GIN1: variants seen among roughly 807,000 people sequenced by gnomAD.
GIN1 encodes the protein gypsy retrotransposon integrase-like protein 1.
In GIN1, 41 loss-of-function variants were observed where a neutral mutation model predicts 51.4. That is an observed-to-expected ratio of 0.80 (90% CI 0.62 to 1.04). GIN1 has a LOEUF of 1.04. Among genes scored for constraint, GIN1 ranks in the 50% least tolerant of loss-of-function variants. The probability of loss-of-function intolerance (pLI) is 0.00; values close to 1 mark genes in which losing one functional copy is unlikely to be tolerated. For synonymous variants in GIN1, 222 were observed against 206.5 expected, an observed-to-expected ratio of 1.07 and a Z score of -0.64; for missense variants, 610 against 612.4, an observed-to-expected ratio of 1.00 and a Z score of 0.04.
rs186049478 is a variant in GIN1 at position 103,095,582 on chromosome 5, A to T, written c.1294+959T>A. On this transcript the variant is annotated intron_variant, in intron 7 of 7. Transcript: ENST00000399004. ...AGTATGTTTGTTTTTGGCATTAATG[A>T]TCACAGTTGCTGTTTTTCATGCCAA... 7.2e-5 allele frequency among the ~76,000 whole-genome samples: 11 copies of T among 152,346 alleles called. No homozygotes were observed. The East Asian group carries it at 2.1e-3, about 29-fold the overall frequency.
intron 4 of GIN1, among the ~76,000 whole-genome samples, chr5:103,098,291 TG>T (rs1787466058): frequency 6.6e-6 from 1 of 152,150 alleles, no homozygotes; most frequent in Non-Finnish European, 1.5e-5. Flanking sequence ...TACTACACAC[TG>T]GTCCCATCAC....
intron 1 of GIN1, among the ~76,000 whole-genome samples, chr5:103,114,130 C>CT (rs1787962072): frequency 6.6e-6 from 1 of 152,140 alleles, no homozygotes; most frequent in Non-Finnish European, 1.5e-5. Flanking sequence ...AAAACTCTGG[C>CT]TAGGTGTAAT....
intron 1 of GIN1, among the ~76,000 whole-genome samples, chr5:103,114,830 A>G (rs1212852751): frequency 6.6e-6 from 1 of 152,218 alleles, no homozygotes; most frequent in Non-Finnish European, 1.5e-5. Context: ...ACAGGAAAAA[A>G]GCCAGAAGAG....
intron 1 of GIN1, among the ~76,000 whole-genome samples, chr5:103,112,371 T>C (rs955693739): frequency 7.2e-5 from 11 of 152,216 alleles, no homozygotes; most frequent in African/African-American, 2.7e-4. Flanking sequence ...GAAACTTTAA[T>C]TTAGACTATC....
At chr5:103,107,356 G>A (rs1467036685) in intron 2 of GIN1, among the ~76,000 whole-genome samples, 1 of 152,034 alleles carries the variant, frequency 6.6e-6, no homozygotes, top group Non-Finnish European at 1.5e-5. Context: ...CAAGCAAACA[G>A]CTCTCTCAGC....
chr5:103,104,873 C>A, intron 3 of GIN1, 27 bp from the exon 4 acceptor site: 1 of 1,404,884 alleles, frequency 7.1e-7, no homozygotes, highest in South Asian at 1.3e-5. Context: ...ATAAAGAAAA[C>A]ACATACAAAT....
At position 103,089,986 on chromosome 5, in the gene GIN1, AT is replaced by A. The variant is rs367668238; in HGVS notation, c.1295-1815del. ...CCATAATTCTGAAAGACAAAAAAAA[AT>A]AAAATAAAATAAAAATCATGCAGCC... is the stretch of plus-strand genomic sequence containing the variant. On this transcript the variant is annotated intron_variant, in intron 7 of 7. Coordinates refer to ENST00000399004, the MANE Select transcript of GIN1 (RefSeq NM_017676.2). Among the ~76,000 whole-genome samples, 1,283 of 152,268 alleles carry A rather than the reference AT, an allele frequency of 8.4e-3. 10 individuals carry two copies. Among genetic ancestry groups the A allele is most frequent in the South Asian group, 0.018 (89 of 4,826 alleles).
chr5:103,106,985 T>C lies in GIN1; in HGVS notation c.140-76A>G, dbSNP rs77514819. 6.5e-4 allele frequency: 474 copies of C among 726,938 alleles called. 3 individuals carry two copies. In the East Asian group the frequency reaches 0.014, roughly 21 times the overall value. 45.0% of individuals were successfully genotyped at this position (726,938 alleles called of 1,614,324 possible). Reference sequence around the variant, plus strand: ...TAGTTTTAAGAGAATCATAGCCTTCTCTTTAAACCATGAAGGTTTTTGTTT... The same window carrying C: ...TAGTTTTAAGAGAATCATAGCCTTCCCTTTAAACCATGAAGGTTTTTGTTT... On this transcript the variant is annotated intron_variant, in intron 2 of 7. Coordinates refer to ENST00000399004, the MANE Select transcript of GIN1 (RefSeq NM_017676.2).
intron 7 of GIN1, among the ~76,000 whole-genome samples, chr5:103,090,924 C>T (rs1787220715): frequency 6.6e-6 from 1 of 151,958 alleles, no homozygotes; most frequent in Admixed American, 6.6e-5. Context: ...CACACACACA[C>T]ACTCTTTTTC....
chr5:103,112,231 C>G (rs559329197), intron 1 of GIN1, among the ~76,000 whole-genome samples: 2 of 152,246 alleles, frequency 1.3e-5, no homozygotes, highest in Non-Finnish European at 2.9e-5. Context: ...TAAAAACCAT[C>G]TATTTCCTAC....
At chr5:103,108,744 T>A in intron 1 of GIN1, 30 bp from the exon 2 acceptor site, 1 of 1,466,308 alleles carries the variant, frequency 6.8e-7, no homozygotes, top group South Asian at 1.2e-5. Context: ...AAAGATAACT[T>A]AAATTTTAAG....
At chr5:103,089,725 T>C (rs1787183610) in intron 7 of GIN1, among the ~76,000 whole-genome samples, 1 of 152,192 alleles carries the variant, frequency 6.6e-6, no homozygotes, top group South Asian at 2.1e-4. Flanking sequence ...CTATTTAGAT[T>C]AGAGACCAAT....
At chr5:103,090,035 T>C (rs1170957655) in intron 7 of GIN1, among the ~76,000 whole-genome samples, 1 of 152,162 alleles carries the variant, frequency 6.6e-6, no homozygotes, top group Non-Finnish European at 1.5e-5. Flanking sequence ...ATGCCTGTAA[T>C]GCCAGCACTT....
Position 103,096,695 on chromosome 5 carries a change from A to G in GIN1, c.1140T>C (p.Asp380=). ...VLRQRKNWWK[D]GRFQSEWVGP... The stretch of plus-strand genomic sequence containing the variant: ...CAACCCATTCAGACTGAAAACGACC[A>G]TCCTTCCACCAATTTTTCCTTTGTC... Residue 380 remains aspartate, a synonymous_variant, in exon 7 of 8, where the codon GAT becomes GAC. Coordinates refer to ENST00000399004, the MANE Select transcript of GIN1 (RefSeq NM_017676.2). 6.2e-7 allele frequency: 1 copy of G among 1,614,122 alleles called. No homozygotes were observed. Among genetic ancestry groups the G allele is most frequent in the East Asian group, 2.2e-5 (1 of 44,866 alleles).
chr5:103,120,104 C>T lies in GIN1; in HGVS notation c.-48G>A, dbSNP rs1185121106. 5.1e-6 allele frequency: 1 copy of T among 194,238 alleles called. No homozygotes were observed. Among genetic ancestry groups the T allele is most frequent in the Non-Finnish European group, 1.1e-5 (1 of 88,368 alleles). 12.0% of individuals were successfully genotyped at this position (194,238 alleles called of 1,614,324 possible). The stretch of plus-strand genomic sequence containing the variant: ...TTCAAACGACAGATTTAAGCTTCCT[C>T]TCGTGATTTATCTCGCGCTGCCGGA... On this transcript the variant is annotated 5_prime_UTR_variant, in exon 1 of 8. Transcript: ENST00000399004.
rs1282349227 is a variant in GIN1 at position 103,086,027 on chromosome 5, T to A, written c.*1871A>T. On this transcript the variant is annotated 3_prime_UTR_variant, in exon 8 of 8. Coordinates refer to ENST00000399004, the MANE Select transcript of GIN1 (RefSeq NM_017676.2). ...GCTGAAACAATAGAATTTTATTGTCTCACAGTTCTGGAGGCAAAAGTCTGA... is the reference window on the plus strand; with the variant it reads ...GCTGAAACAATAGAATTTTATTGTCACACAGTTCTGGAGGCAAAAGTCTGA... 2.0e-5 allele frequency: 3 copies of A among 152,146 alleles called. No individual in the cohort carries two copies. Among genetic ancestry groups the A allele is most frequent in the Non-Finnish European group, 2.9e-5 (2 of 68,038 alleles). The allele number at this position is 152,146 out of a possible 1,614,324, so 9.4% of individuals were successfully genotyped here.
In GIN1 at chr5:103,086,772, G is replaced by T. The variant is rs1787085677; in HGVS notation, c.*1126C>A. ...GGCTTACATAGTTTATTACCTACCAGACAGTAAGTCCTTTATAAGAATGAG... is the reference window on the plus strand; with the variant it reads ...GGCTTACATAGTTTATTACCTACCATACAGTAAGTCCTTTATAAGAATGAG... On this transcript the variant is annotated 3_prime_UTR_variant, in exon 8 of 8. Coordinates refer to ENST00000399004, the MANE Select transcript of GIN1 (RefSeq NM_017676.2). 6.6e-6 allele frequency: 1 copy of T among 152,140 alleles called. No homozygotes were observed. The highest frequency in any genetic ancestry group is 2.4e-5 in the African/African-American group (1 of 41,424). The allele number at this position is 152,140 out of a possible 1,614,324, so 9.4% of individuals were successfully genotyped here. A position where few individuals can be genotyped will look rare whatever the true frequency, so the allele number is the denominator to read the frequency against.
intron 1 of GIN1, among the ~76,000 whole-genome samples, chr5:103,109,547 C>T (rs1329450201): frequency 6.6e-6 from 1 of 152,018 alleles, no homozygotes; most frequent in African/African-American, 2.4e-5. Flanking sequence ...TTTTAACTTC[C>T]AGAGAGAGTA....
Position 103,120,070 on chromosome 5 carries a change from G to T in GIN1, c.-14C>A, listed in dbSNP as rs1554198317. The T allele has an allele frequency of 1.6e-5, 3 of 187,370 alleles. No homozygotes were observed. Among genetic ancestry groups the T allele is most frequent in the Admixed American group, 5.4e-5 (1 of 18,690 alleles). The allele number at this position is 187,370 out of a possible 1,614,324, so 11.6% of individuals were successfully genotyped here. A position where few individuals can be genotyped will look rare whatever the true frequency, so the allele number is the denominator to read the frequency against. On this transcript the variant is annotated 5_prime_UTR_variant, in exon 1 of 8. Coordinates refer to ENST00000399004, the MANE Select transcript of GIN1 (RefSeq NM_017676.2). Reference sequence around the variant, plus strand: ...CACCAGAACGACCACTCACCGAGGTGGTCCTAAATTCAAACGACAGATTTA... The same window carrying T: ...CACCAGAACGACCACTCACCGAGGTTGTCCTAAATTCAAACGACAGATTTA...
Sources: allele counts gnomAD v4.1 joint callset (sites outside exome capture counted in the v4.1 genomes callset), GRCh38; gene constraint gnomAD v4.1.1; transcripts MANE v1.5; gene names NCBI Gene and HGNC (gene_info 2026-07-23, HGNC 2026-07-21).